Variants in PRDM5 observed in about 807,000 individuals in gnomAD.
PRDM5 encodes the protein PR/SET domain 5.
PRDM5 carries 56 observed loss-of-function variants against 81.2 expected under a neutral mutation model. The ratio of observed to expected loss-of-function variants is 0.69; its 90% CI spans 0.56 to 0.86. PRDM5 has a LOEUF of 0.86. Ranked by LOEUF, PRDM5 falls within the 40% of genes least tolerant of loss-of-function variation. PRDM5 has a pLI of 0.00. For synonymous variants in PRDM5, 267 were observed against 256.4 expected, an observed-to-expected ratio of 1.04 and a Z score of -0.39; for missense variants, 697 against 770.1, an observed-to-expected ratio of 0.91 and a Z score of 1.12.
chr4:120,797,729 T>C (rs576393915), intron 10 of PRDM5, among the ~76,000 whole-genome samples: 30 of 152,158 alleles, frequency 2.0e-4, no homozygotes, highest in Non-Finnish European at 3.8e-4. Context: ...AAACTTGGGA[T>C]TAAAGAAAAT....
chr4:120,706,148 G>C (rs1022423878), intron 15 of PRDM5, among the ~76,000 whole-genome samples: 4 of 151,528 alleles, frequency 2.6e-5, no homozygotes, highest in Non-Finnish European at 5.9e-5. Flanking sequence ...ATGGCGTGCA[G>C]TGGCACGATC....
In PRDM5 at chr4:120,798,420, T is replaced by A. The variant is rs1391237769; in HGVS notation, c.1035A>T (p.Lys345Asn). Reference sequence around the variant, plus strand: ...TACAAATCTCGCAATTATAGGGTCGTTTTTCTATTAAAAAAATGAGTGGAG... The same window carrying A: ...TACAAATCTCGCAATTATAGGGTCGATTTTCTATTAAAAAAATGAGTGGAG... ...LKRHMITHSEKRPYNCEICNK... is the reference protein window; with the variant it reads ...LKRHMITHSENRPYNCEICNK... Residue 345 changes from lysine to asparagine, a missense_variant, in exon 10 of 16, where the codon AAA becomes AAT. By Grantham distance (94) the Lys-to-Asn change is moderately conservative (BLOSUM62 0). Transcript: ENST00000264808. The A allele has an allele frequency of 6.2e-7, 1 of 1,600,412 alleles. No homozygotes were observed.
At chr4:120,856,502 AC>A (rs1363901150) in intron 2 of PRDM5, among the ~76,000 whole-genome samples, 2 of 152,116 alleles carry the variant, frequency 1.3e-5, no homozygotes, top group African/African-American at 2.4e-5. Flanking sequence ...TCCTCATTGC[AC>A]CAGTCTAGTC....
intron 3 of PRDM5, among the ~76,000 whole-genome samples, chr4:120,848,716 G>A (rs1245897947): frequency 6.6e-6 from 1 of 151,666 alleles, no homozygotes; most frequent in African/African-American, 2.4e-5. Context: ...AATTTGCCCT[G>A]TCAATAAGCT....
intron 12 of PRDM5, 33 bp downstream of exon 12, chr4:120,781,110 A>C: frequency 6.3e-7 from 1 of 1,582,578 alleles, no homozygotes; most frequent in Non-Finnish European, 8.7e-7. Flanking sequence ...TAAACACGTA[A>C]TCTGTTCAAA....
chr4:120,699,184 A>ATATATG (rs1249960317), intron 15 of PRDM5, among the ~76,000 whole-genome samples: 1 of 113,686 alleles, frequency 8.8e-6, no homozygotes, highest in African/African-American at 4.4e-5. Context: ...ATATATATAT[A>ATATATG]TATATATATA....
chr4:120,825,675 G>A (rs1809075), intron 3 of PRDM5, among the ~76,000 whole-genome samples: 8,074 of 151,028 alleles, frequency 0.053, 342 homozygotes, highest in Middle Eastern at 0.15. Flanking sequence ...AGTTGAGTAA[G>A]CTTTTAATAA....
At chr4:120,704,467 T>G (rs1324337216) in intron 15 of PRDM5, among the ~76,000 whole-genome samples, 1 of 152,184 alleles carries the variant, frequency 6.6e-6, no homozygotes, top group Non-Finnish European at 1.5e-5. Context: ...AGGAAAATAT[T>G]TATTCTTACT....
chr4:120,718,264 A>G (rs1435698885), intron 14 of PRDM5, among the ~76,000 whole-genome samples: 1 of 152,208 alleles, frequency 6.6e-6, no homozygotes, highest in Non-Finnish European at 1.5e-5. Flanking sequence ...GAAGCTTATC[A>G]AAGAGGAATC....
At chr4:120,740,307 T>C (rs1424749485) in intron 14 of PRDM5, among the ~76,000 whole-genome samples, 1 of 152,190 alleles carries the variant, frequency 6.6e-6, no homozygotes, top group Admixed American at 6.5e-5. Flanking sequence ...TGTTAAATTT[T>C]CTCCATATTC....
intron 3 of PRDM5, among the ~76,000 whole-genome samples, chr4:120,843,924 G>C (rs941480949): frequency 6.6e-6 from 1 of 152,048 alleles, no homozygotes; most frequent in South Asian, 2.1e-4. Context: ...TTTCCAAAGA[G>C]AAGAATGGCC....
chr4:120,837,171 T>A (rs927311303), intron 3 of PRDM5, among the ~76,000 whole-genome samples: 3 of 152,220 alleles, frequency 2.0e-5, no homozygotes, highest in Non-Finnish European at 4.4e-5. Flanking sequence ...AGGCTAGTGA[T>A]ACTGTTATAA....
intron 3 of PRDM5, chr4:120,838,082 T>C (rs1048967734): frequency 1.3e-5 from 2 of 152,228 alleles, no homozygotes; most frequent in African/African-American, 4.8e-5. Context: ...ATAATGATTC[T>C]TATATCTACT....
intron 2 of PRDM5, among the ~76,000 whole-genome samples, chr4:120,888,600 C>T (rs1024910955): frequency 2.6e-5 from 4 of 152,062 alleles, no homozygotes; most frequent in Admixed American, 1.3e-4. Context: ...CTTTTAGTAA[C>T]GTGTTCTAGT....
At chr4:120,846,073 G>C (rs1468798089) in intron 3 of PRDM5, among the ~76,000 whole-genome samples, 2 of 152,172 alleles carry the variant, frequency 1.3e-5, no homozygotes, top group African/African-American at 4.8e-5. Flanking sequence ...GTATAGATGA[G>C]GAGTTGCTCC....
chr4:120,808,997 C>A (rs1287232258), intron 8 of PRDM5, among the ~76,000 whole-genome samples: 1 of 152,244 alleles, frequency 6.6e-6, no homozygotes, highest in Non-Finnish European at 1.5e-5. Context: ...CCTTGTCCAG[C>A]CCAGAAGGGG....
intron 3 of PRDM5, among the ~76,000 whole-genome samples, chr4:120,841,864 A>T (rs2149394110): frequency 6.6e-6 from 1 of 152,302 alleles, no homozygotes; most frequent in African/African-American, 2.4e-5. Flanking sequence ...TCTTCTTTTT[A>T]ATTTCTAACA....
intron 3 of PRDM5, among the ~76,000 whole-genome samples, chr4:120,845,721 T>G (rs958115999): frequency 6.6e-6 from 1 of 152,220 alleles, no homozygotes; most frequent in Admixed American, 6.5e-5. Context: ...CTTTCAAATA[T>G]TATTTCTGAA....
chr4:120,695,109 T>G lies in PRDM5; in HGVS notation c.*2A>C, dbSNP rs561182071. On this transcript the variant is annotated 3_prime_UTR_variant, in exon 16 of 16. Coordinates refer to ENST00000264808, the MANE Select transcript of PRDM5 (RefSeq NM_018699.4). The stretch of plus-strand genomic sequence containing the variant: ...AATAGTTTAATTCCTTTACAGCCCC[T>G]ATTAGCTGTCAGCTACACCATGGAT... The G allele has an allele frequency of 1.9e-6, 3 of 1,611,844 alleles. No homozygotes were observed. Among genetic ancestry groups the G allele is most frequent in the Non-Finnish European group, 2.5e-6 (3 of 1,178,212 alleles).
Sources: gnomAD v4.1 joint callset for allele counts (sites outside exome capture counted in the v4.1 genomes callset) on GRCh38, gnomAD v4.1.1 for gene constraint, MANE v1.5 for transcripts, NCBI Gene and HGNC (gene_info 2026-07-23, HGNC 2026-07-21) for gene names.